The following FOXO1 variants were observed in gnomAD, a reference collection of about 807,000 sequenced individuals.
FOXO1 encodes forkhead box O1, also known as forkhead box protein O1.
Under a neutral mutation model 44.1 loss-of-function variants are expected in FOXO1, and 6 were observed. The observed-to-expected ratio is 0.14, with a 90% confidence interval of 0.07 to 0.27. The LOEUF is 0.27. FOXO1 is among the 10% of genes least tolerant of loss of function. The probability of loss-of-function intolerance (pLI) is 1.00; values close to 1 mark genes in which losing one functional copy is unlikely to be tolerated. For synonymous variants in FOXO1, 380 were observed against 362.7 expected (o/e 1.05, Z -0.54); for missense variants, 737 against 888.8 (o/e 0.83, Z 2.17).
At chr13:40,570,284 C>T (rs555506221) in intron 1 of FOXO1, among the ~76,000 whole-genome samples, 2 of 150,214 alleles carry the variant, frequency 1.3e-5, no homozygotes, top group African/African-American at 2.5e-5. Context: ...CACTCCAGCC[C>T]GGCAACAGAG....
At chr13:40,638,152 T>C (rs539982988) in intron 1 of FOXO1, among the ~76,000 whole-genome samples, 8 of 152,322 alleles carry the variant, frequency 5.3e-5, no homozygotes, top group African/African-American at 1.9e-4. Flanking sequence ...TTCTTTCTGT[T>C]TCTAAATTTA....
At chr13:40,620,185 T>G (rs1876561460) in intron 1 of FOXO1, 2 of 1,565,176 alleles carry the variant, frequency 1.3e-6, no homozygotes, top group Non-Finnish European at 1.8e-6. Context: ...ATCCAGCAGA[T>G]CCTCAACTGC....
chr13:40,619,391 A>G, intron 1 of FOXO1: 1 of 740,758 alleles, frequency 1.3e-6, no homozygotes, highest in Non-Finnish European at 2.4e-6. Context: ...GCATAGTTGA[A>G]CACCTTTCGG....
chr13:40,565,178 T>C (rs1246224732), intron 1 of FOXO1, among the ~76,000 whole-genome samples: 1 of 152,164 alleles, frequency 6.6e-6, no homozygotes, highest in Non-Finnish European at 1.5e-5. Flanking sequence ...CTTTTAACCA[T>C]CCATTTGAGT....
intron 1 of FOXO1, among the ~76,000 whole-genome samples, chr13:40,646,314 T>C (rs9549245): frequency 0.41 from 58,713 of 144,106 alleles, 13,343 homozygotes; most frequent in East Asian, 0.75. Context: ...TTTTTTGAGA[T>C]GGAGTCTCGC....
At chr13:40,608,509 G>A (rs1047865631) in intron 1 of FOXO1, among the ~76,000 whole-genome samples, 4 of 152,182 alleles carry the variant, frequency 2.6e-5, no homozygotes. Context: ...GGGGTTATTT[G>A]TTATGGAGCA....
At chr13:40,630,526 G>A (rs982548323) in intron 1 of FOXO1, among the ~76,000 whole-genome samples, 10 of 151,960 alleles carry the variant, frequency 6.6e-5, no homozygotes, top group East Asian at 1.9e-4. Context: ...GCAGTGGCGC[G>A]CGCCTGTAAT....
intron 1 of FOXO1, among the ~76,000 whole-genome samples, chr13:40,576,681 C>A (rs1874758412): frequency 6.6e-6 from 1 of 152,196 alleles, no homozygotes; most frequent in South Asian, 2.1e-4. Context: ...CAAGCTTTGG[C>A]TTCTGTCTCA....
At chr13:40,638,621 C>T (rs754096231) in intron 1 of FOXO1, among the ~76,000 whole-genome samples, 8 of 152,038 alleles carry the variant, frequency 5.3e-5, no homozygotes, top group Non-Finnish European at 1.2e-4. Context: ...AAATCCCATT[C>T]AATTGGGGAG....
At chr13:40,559,375 T>C (rs1047802662) in intron 2 of FOXO1, 134 bp downstream of exon 2, 2 of 762,416 alleles carry the variant, frequency 2.6e-6, no homozygotes, top group Non-Finnish European at 4.0e-6. Flanking sequence ...GGACAGAGAA[T>C]GAATGATAAA....
intron 1 of FOXO1, among the ~76,000 whole-genome samples, chr13:40,567,448 T>C (rs934381915): frequency 6.6e-6 from 1 of 151,858 alleles, no homozygotes; most frequent in African/African-American, 2.4e-5. Context: ...AAAGGAAAAA[T>C]TAAGACTCAG....
At chr13:40,561,345 C>T (rs113404689) in intron 1 of FOXO1, among the ~76,000 whole-genome samples, 96 of 64,604 alleles carry the variant, frequency 1.5e-3, no homozygotes, top group African/African-American at 5.9e-3. Flanking sequence ...GAGTGAGACT[C>T]GATCTCAAAA....
At chr13:40,635,256 GA>G (rs1877108416) in intron 1 of FOXO1, among the ~76,000 whole-genome samples, 1 of 152,062 alleles carries the variant, frequency 6.6e-6, no homozygotes, top group African/African-American at 2.4e-5. Flanking sequence ...CTCCTACGAA[GA>G]AACACAGGAG....
intron 1 of FOXO1, among the ~76,000 whole-genome samples, chr13:40,593,625 C>T (rs1402782388): frequency 2.6e-5 from 4 of 152,098 alleles, no homozygotes; most frequent in African/African-American, 9.7e-5. Flanking sequence ...AACATACCAA[C>T]CTATGGCTTA....
chr13:40,618,531 A>G (rs756463493), intron 1 of FOXO1, among the ~76,000 whole-genome samples: 1 of 152,212 alleles, frequency 6.6e-6, no homozygotes, highest in Non-Finnish European at 1.5e-5. Flanking sequence ...AGAGAGGACA[A>G]TAATTGTTAT....
intron 1 of FOXO1, among the ~76,000 whole-genome samples, chr13:40,658,612 T>C (rs868728710): frequency 6.6e-6 from 1 of 151,900 alleles, no homozygotes; most frequent in Non-Finnish European, 1.5e-5. Context: ...TGAATGAGGA[T>C]AGGAGAAGGA....
chr13:40,632,936 A>G (rs1030652836), intron 1 of FOXO1, among the ~76,000 whole-genome samples: 72 of 152,168 alleles, frequency 4.7e-4, no homozygotes, highest in Non-Finnish European at 5.6e-4. Flanking sequence ...AGGAAAAGAA[A>G]AAAAAAGGGC....
rs1455445121 is a variant in FOXO1 at position 40,560,876 on chromosome 13, T to A, written c.631-16A>T. ...GAATTGAATTCTGTAAGGCAAAACA[T>A]CTTATTAGAAGTACAATACTTCTCT... On this transcript the variant is annotated splice_polypyrimidine_tract_variant and intron_variant, in intron 1 of 2. Transcript: ENST00000379561. The surrounding 1 kb of genome is among the most constrained non-coding windows in gnomAD (Gnocchi z 5.1). 2 of 1,582,706 alleles carry A rather than the reference T, an allele frequency of 1.3e-6. No individual in the cohort carries two copies. Among genetic ancestry groups the A allele is most frequent in the African/African-American group, 2.7e-5 (2 of 73,448 alleles).
intron 1 of FOXO1, among the ~76,000 whole-genome samples, chr13:40,622,688 G>A (rs1422218343): frequency 6.6e-6 from 1 of 152,170 alleles, no homozygotes; most frequent in Non-Finnish European, 1.5e-5. Context: ...CTTCAGGCTT[G>A]TCATGATGAG....
Sources: allele counts gnomAD v4.1 joint callset (sites outside exome capture counted in the v4.1 genomes callset), GRCh38; gene constraint gnomAD v4.1.1; non-coding constraint Gnocchi (gnomAD v3.1); transcripts MANE v1.5; gene names NCBI Gene and HGNC (gene_info 2026-07-23, HGNC 2026-07-21).